The following ATOSA variants were observed in gnomAD, a reference collection of about 807,000 sequenced individuals.
The protein encoded by ATOSA is atos homolog protein A.
chr15:52,627,519 T>A, the ATOSA span, among the ~76,000 whole-genome samples: 1 of 152,230 alleles, frequency 6.6e-6, no homozygotes, highest in South Asian at 2.1e-4. Flanking sequence ...TTTAGCTTAT[T>A]GAAAGGCACT....
chr15:52,617,639 C>T, the ATOSA span, among the ~76,000 whole-genome samples: 1 of 151,698 alleles, frequency 6.6e-6, no homozygotes, highest in Non-Finnish European at 1.5e-5. Flanking sequence ...AATTTTATAG[C>T]CTTATTTTAA....
the ATOSA span, among the ~76,000 whole-genome samples, chr15:52,651,388 C>T: frequency 1.3e-5 from 2 of 152,304 alleles, no homozygotes; most frequent in South Asian, 4.1e-4. Context: ...ATTCCTTAAA[C>T]TATGTCAAAA....
chr15:52,700,653 C>T, the ATOSA span, among the ~76,000 whole-genome samples: 31 of 152,266 alleles, frequency 2.0e-4, no homozygotes, highest in African/African-American at 7.2e-4. Context: ...TGCTGCAGAC[C>T]AAGATGTCTG....
At chr15:52,685,230 G>T in the ATOSA span, among the ~76,000 whole-genome samples, 1 of 152,138 alleles carries the variant, frequency 6.6e-6, no homozygotes, top group African/African-American at 2.4e-5. Flanking sequence ...GAAACTTGCT[G>T]CTTGCCCTAA....
At chr15:52,602,225 ATGTG>A in the ATOSA span, among the ~76,000 whole-genome samples, 1 of 152,142 alleles carries the variant, frequency 6.6e-6, no homozygotes, top group Non-Finnish European at 1.5e-5. Context: ...ATGTGTATGC[ATGTG>A]TGTGTATACA....
chr15:52,631,402 A>T, the ATOSA span, among the ~76,000 whole-genome samples: 2 of 152,124 alleles, frequency 1.3e-5, no homozygotes, highest in Non-Finnish European at 2.9e-5. Context: ...ACCACTTCTT[A>T]AAAAAAGTCT....
At chr15:52,589,362 C>T in the ATOSA span, among the ~76,000 whole-genome samples, 2 of 152,014 alleles carry the variant, frequency 1.3e-5, no homozygotes, top group Non-Finnish European at 2.9e-5. Context: ...TAAATAATAG[C>T]TATCTTTAAA....
chr15:52,666,756 A>G, the ATOSA span, among the ~76,000 whole-genome samples: 134,461 of 152,240 alleles, frequency 0.88, 59,506 homozygotes, highest in East Asian at 1. Flanking sequence ...CAGTGAACAA[A>G]TGCCACTAAA....
chr15:52,709,159 C>A, the ATOSA span, among the ~76,000 whole-genome samples: 2 of 152,156 alleles, frequency 1.3e-5, no homozygotes, highest in Non-Finnish European at 2.9e-5. Flanking sequence ...GTCAGTTTTG[C>A]CCCCTCTTTA....
the ATOSA span, among the ~76,000 whole-genome samples, chr15:52,594,216 G>T: frequency 1.5e-3 from 233 of 152,102 alleles, no homozygotes; most frequent in Non-Finnish European, 2.8e-3. Context: ...AATTCTAACC[G>T]AGAAATAATT....
chr15:52,635,854 G>C, the ATOSA span, among the ~76,000 whole-genome samples: 1 of 151,622 alleles, frequency 6.6e-6, no homozygotes, highest in Non-Finnish European at 1.5e-5. Context: ...AAATTAGCTG[G>C]GTGCGGTGGC....
At chr15:52,684,377 A>C in the ATOSA span, among the ~76,000 whole-genome samples, 1 of 152,270 alleles carries the variant, frequency 6.6e-6, no homozygotes, top group South Asian at 2.1e-4. Context: ...CTCTATAAAA[A>C]AGTTAAAAAG....
chr15:52,637,240 C>T, the ATOSA span, among the ~76,000 whole-genome samples: 1 of 151,788 alleles, frequency 6.6e-6, no homozygotes, highest in African/African-American at 2.4e-5. Context: ...CAGTCTTACC[C>T]CAAAAGAGAA....
chr15:52,668,274 G>A, the ATOSA span, among the ~76,000 whole-genome samples: 2 of 152,116 alleles, frequency 1.3e-5, no homozygotes, highest in African/African-American at 4.8e-5. Context: ...GAACCTGGAG[G>A]ACATCGTGTT....
At chr15:52,650,474 A>C in the ATOSA span, among the ~76,000 whole-genome samples, 1 of 152,276 alleles carries the variant, frequency 6.6e-6, no homozygotes, top group East Asian at 1.9e-4. Flanking sequence ...GTAAATTTTC[A>C]CCAATTATTA....
At chr15:52,619,863 T>G in the ATOSA span, among the ~76,000 whole-genome samples, 1 of 151,066 alleles carries the variant, frequency 6.6e-6, no homozygotes, top group Non-Finnish European at 1.5e-5. Flanking sequence ...AAAAGAAAAA[T>G]AAATTATTTG....
the ATOSA span, among the ~76,000 whole-genome samples, chr15:52,663,304 G>A: frequency 5.9e-5 from 9 of 152,154 alleles, no homozygotes; most frequent in African/African-American, 1.7e-4. Context: ...AACTTCTCCA[G>A]TGGAATTAAT....
the ATOSA span, among the ~76,000 whole-genome samples, chr15:52,700,864 C>T: frequency 2.0e-5 from 3 of 152,246 alleles, no homozygotes; most frequent in East Asian, 5.8e-4. Flanking sequence ...GGAAAGATAT[C>T]CCTTGTTCTT....
the ATOSA span, among the ~76,000 whole-genome samples, chr15:52,708,866 C>T: frequency 6.6e-6 from 1 of 152,176 alleles, no homozygotes; most frequent in East Asian, 1.9e-4. Flanking sequence ...TTTACTAGCA[C>T]ACTGTGGGAA....
Sources: gnomAD v4.1 joint callset for allele counts (sites outside exome capture counted in the v4.1 genomes callset) on GRCh38, gnomAD v4.1.1 for gene constraint, MANE v1.5 for transcripts, NCBI Gene and HGNC (gene_info 2026-07-23, HGNC 2026-07-21) for gene names.